KIAA0825: variants seen among roughly 807,000 people sequenced by gnomAD.
The protein encoded by KIAA0825 is uncharacterized protein KIAA0825.
A neutral mutation model predicts 147.6 loss-of-function variants in KIAA0825; 119 were observed. The observed-to-expected ratio is 0.81, with a 90% CI of 0.69 to 0.94. The LOEUF is 0.94. Among genes scored for constraint, KIAA0825 ranks in the 40% least tolerant of loss-of-function variants. KIAA0825 has a pLI of 0.00. For synonymous variants in KIAA0825, 470 were observed against 518.1 expected (o/e 0.91, Z 1.26); for missense variants, 1,381 against 1,472.7 (o/e 0.94, Z 1.02).
chr5:94,386,479 C>A, intron 18 of KIAA0825, 75 bp from the exon 19 acceptor site: 1 of 1,193,454 alleles, frequency 8.4e-7, no homozygotes, highest in Non-Finnish European at 1.2e-6. Flanking sequence ...GATCAATATC[C>A]AAATTTATCC....
chr5:94,446,218 A>C (rs1026250522), intron 13 of KIAA0825, among the ~76,000 whole-genome samples: 2 of 152,158 alleles, frequency 1.3e-5, no homozygotes, highest in African/African-American at 4.8e-5. Context: ...CATTCATTCA[A>C]CTAATATTTA....
At chr5:94,442,411 G>C (rs1757196575) in intron 13 of KIAA0825, among the ~76,000 whole-genome samples, 1 of 152,142 alleles carries the variant, frequency 6.6e-6, no homozygotes, top group Non-Finnish European at 1.5e-5. Flanking sequence ...GTGGTAAAGA[G>C]AGAAGAAGGG....
At chr5:94,511,695 A>G (rs1249308144) in intron 5 of KIAA0825, among the ~76,000 whole-genome samples, 1 of 152,084 alleles carries the variant, frequency 6.6e-6, no homozygotes, top group Non-Finnish European at 1.5e-5. Context: ...TTTATACAAA[A>G]TATTTGACTT....
intron 2 of KIAA0825, among the ~76,000 whole-genome samples, chr5:94,546,780 A>G (rs1774470917): frequency 7.5e-6 from 1 of 133,118 alleles, no homozygotes; most frequent in South Asian, 2.6e-4. Flanking sequence ...TAATTATTCT[A>G]TGTCCAGGCA....
At chr5:94,217,116 A>G (rs1301254890) in intron 20 of KIAA0825, among the ~76,000 whole-genome samples, 1 of 152,212 alleles carries the variant, frequency 6.6e-6, no homozygotes, top group Admixed American at 6.5e-5. Flanking sequence ...GGAGTTGAGT[A>G]TGAAGCAACT....
intron 20 of KIAA0825, among the ~76,000 whole-genome samples, chr5:94,366,189 C>T (rs947795181): frequency 6.6e-6 from 1 of 152,358 alleles, no homozygotes; most frequent in Admixed American, 6.5e-5. Flanking sequence ...GTCTCCCACA[C>T]AGCCGGCTCT....
intron 20 of KIAA0825, among the ~76,000 whole-genome samples, chr5:94,184,943 T>C (rs1278339832): frequency 1.3e-5 from 2 of 152,168 alleles, no homozygotes; most frequent in African/African-American, 4.8e-5. Context: ...CCCCAAAACT[T>C]AGTGAATTAA....
chr5:94,305,551 C>T (rs1443173629), intron 20 of KIAA0825, among the ~76,000 whole-genome samples: 2 of 151,914 alleles, frequency 1.3e-5, no homozygotes, highest in African/African-American at 2.4e-5. Context: ...TGATACATTA[C>T]GTCAATTGAC....
intron 20 of KIAA0825, among the ~76,000 whole-genome samples, chr5:94,381,308 G>C (rs2150510805): frequency 6.6e-6 from 1 of 152,222 alleles, no homozygotes; most frequent in Non-Finnish European, 1.5e-5. Flanking sequence ...AATATGTACG[G>C]TGGTGCCTCT....
chr5:94,291,982 A>T (rs1777918350), intron 20 of KIAA0825, among the ~76,000 whole-genome samples: 1 of 152,204 alleles, frequency 6.6e-6, no homozygotes, highest in Admixed American at 6.5e-5. Flanking sequence ...ACTGTGCTGA[A>T]GTTGCTTATC....
intron 20 of KIAA0825, among the ~76,000 whole-genome samples, chr5:94,173,601 G>T (rs1768830982): frequency 6.6e-6 from 1 of 152,098 alleles, no homozygotes; most frequent in South Asian, 2.1e-4. Context: ...GCTTTTTATG[G>T]TCCAGCCTTG....
intron 20 of KIAA0825, among the ~76,000 whole-genome samples, chr5:94,196,622 C>A (rs1250271767): frequency 6.6e-6 from 1 of 152,084 alleles, no homozygotes; most frequent in Non-Finnish European, 1.5e-5. Context: ...CTCCTTCCAC[C>A]CTTTCACCTC....
intron 1 of KIAA0825, chr5:94,593,930 G>A (rs950110037): frequency 2.3e-6 from 1 of 443,792 alleles, no homozygotes; most frequent in Non-Finnish European, 4.5e-6. Flanking sequence ...AATTGAAGCA[G>A]TTTTACCACA....
chr5:94,469,266 G>A (rs547961593), intron 10 of KIAA0825, among the ~76,000 whole-genome samples: 1 of 152,028 alleles, frequency 6.6e-6, no homozygotes, highest in South Asian at 2.1e-4. Flanking sequence ...CGCCTCCCGG[G>A]TTCAAGCCAT....
At chr5:94,445,123 A>T (rs1383389751) in intron 13 of KIAA0825, among the ~76,000 whole-genome samples, 2 of 152,144 alleles carry the variant, frequency 1.3e-5, no homozygotes, top group African/African-American at 2.4e-5. Context: ...GGTGCCATTG[A>T]CTATTATTGG....
At chr5:94,462,716 A>C (rs1322039231) in intron 11 of KIAA0825, 147 bp from the exon 12 acceptor site, 10 of 468,348 alleles carry the variant, frequency 2.1e-5, no homozygotes, top group Non-Finnish European at 3.8e-5. Flanking sequence ...TAAACCAAAA[A>C]GAAAGTATCA....
intron 20 of KIAA0825, among the ~76,000 whole-genome samples, chr5:94,301,333 T>G (rs906768716): frequency 1.3e-5 from 2 of 151,840 alleles, no homozygotes; most frequent in Non-Finnish European, 2.9e-5. Context: ...GATTGATTAG[T>G]TGGAAAGTAA....
intron 15 of KIAA0825, chr5:94,414,562 T>C (rs1443433081): frequency 4.6e-5 from 7 of 152,210 alleles, no homozygotes; most frequent in Admixed American, 4.6e-4. Flanking sequence ...TTATGTCCAG[T>C]CTAAAGAGTT....
At chr5:94,417,437 C>T (rs1753611264) in intron 14 of KIAA0825, 72 bp from the exon 15 acceptor site, 2 of 1,178,950 alleles carry the variant, frequency 1.7e-6, no homozygotes, top group Non-Finnish European at 1.2e-6. Flanking sequence ...TAAACTCTTA[C>T]TATGTACACT....
Sources: gnomAD v4.1 joint callset for allele counts (sites outside exome capture counted in the v4.1 genomes callset) on GRCh38, gnomAD v4.1.1 for gene constraint, MANE v1.5 for transcripts, NCBI Gene and HGNC (gene_info 2026-07-23, HGNC 2026-07-21) for gene names.